CSMD3: variants seen among roughly 807,000 people sequenced by gnomAD.
CSMD3 encodes the protein CUB and sushi domain-containing protein 3.
In CSMD3, 177 loss-of-function variants were observed where a neutral mutation model predicts 435.2. The observed-to-expected ratio is 0.41, with a 90% CI of 0.36 to 0.46. The LOEUF (loss-of-function observed/expected upper bound fraction) is 0.46. Ranked by LOEUF, CSMD3 falls within the 20% of genes least tolerant of loss-of-function variation. The pLI is 0.34. For missense variants in CSMD3, 4,265 were observed against 4,504.6 expected (o/e 0.95, Z 1.52); for synonymous variants, 1,656 against 1,520.5 (o/e 1.09, Z -2.07).
chr8:112,441,117 C>A (rs1382462454), intron 32 of CSMD3, among the ~76,000 whole-genome samples: 2 of 152,250 alleles, frequency 1.3e-5, no homozygotes, highest in South Asian at 4.1e-4. Flanking sequence ...GAATGCTTTG[C>A]TGCTTTGCAA....
At chr8:112,397,455 G>T (rs116884281) in intron 35 of CSMD3, among the ~76,000 whole-genome samples, 2,038 of 152,256 alleles carry the variant, frequency 0.013, 28 homozygotes, top group South Asian at 0.033. Context: ...CTCTGGATAT[G>T]CACTTTTAAA....
intron 22 of CSMD3, among the ~76,000 whole-genome samples, chr8:112,625,730 T>C (rs1169470996): frequency 1.3e-5 from 2 of 152,072 alleles, no homozygotes; most frequent in African/African-American, 2.4e-5. Context: ...GAAAAATGGT[T>C]TATAGCCAGA....
intron 32 of CSMD3, among the ~76,000 whole-genome samples, chr8:112,469,998 G>A (rs899655826): frequency 2.0e-5 from 3 of 151,986 alleles, no homozygotes; most frequent in African/African-American, 4.8e-5. Context: ...ATGAGAGGAA[G>A]CAGAAGCAAA....
chr8:112,817,662 C>G (rs897136601), intron 12 of CSMD3, among the ~76,000 whole-genome samples: 1 of 151,408 alleles, frequency 6.6e-6, no homozygotes, highest in African/African-American at 2.4e-5. Context: ...CACAGAGATA[C>G]AGAAAGAGAT....
chr8:113,100,999 C>A (rs1209042382), intron 4 of CSMD3, among the ~76,000 whole-genome samples: 1 of 152,108 alleles, frequency 6.6e-6, no homozygotes, highest in Admixed American at 6.6e-5. Flanking sequence ...TCACTGAGAT[C>A]TCTATGAGCC....
chr8:112,441,320 C>A (rs751544470), intron 32 of CSMD3, among the ~76,000 whole-genome samples: 4 of 152,138 alleles, frequency 2.6e-5, no homozygotes, highest in Non-Finnish European at 4.4e-5. Context: ...TCACTGTCAG[C>A]GTTTTGGTCA....
intron 4 of CSMD3, among the ~76,000 whole-genome samples, chr8:113,148,781 A>C (rs1481716713): frequency 6.6e-6 from 1 of 151,734 alleles, no homozygotes; most frequent in Non-Finnish European, 1.5e-5. Context: ...TGTTACAGTA[A>C]TAGATTTTAC....
intron 6 of CSMD3, among the ~76,000 whole-genome samples, chr8:112,978,100 A>C (rs1380903519): frequency 6.6e-6 from 1 of 152,026 alleles, no homozygotes; most frequent in Non-Finnish European, 1.5e-5. Flanking sequence ...AATCAGAGTA[A>C]AAACTAATGC....
chr8:113,419,505 T>TA (rs2094599337), intron 1 of CSMD3, among the ~76,000 whole-genome samples: 1 of 152,136 alleles, frequency 6.6e-6, no homozygotes, highest in Admixed American at 6.6e-5. Context: ...CTAGTCTGCA[T>TA]AAAAAGCTCT....
rs145568117 is a variant in CSMD3 at position 112,359,765 on chromosome 8, T to G, written c.6137-7231A>C. Among the ~76,000 whole-genome samples the G allele has an allele frequency of 5.6e-3, 857 of 152,246 alleles. 3 individuals carry two copies. Among genetic ancestry groups the G allele is most frequent in the Non-Finnish European group, 8.9e-3 (604 of 67,980 alleles). On this transcript the variant is annotated intron_variant, in intron 38 of 70. Transcript: ENST00000297405. The stretch of plus-strand genomic sequence containing the variant: ...AGTCTTGAATTAGATAAGGAGAGTC[T>G]GTACATTGCAATCCCAATGCCCAGT...
chr8:112,938,043 G>C (rs2130749097), intron 9 of CSMD3, among the ~76,000 whole-genome samples: 1 of 152,256 alleles, frequency 6.6e-6, no homozygotes, highest in Non-Finnish European at 1.5e-5. Context: ...AGAAGCCAGG[G>C]GGGAAAAGCA....
chr8:112,844,546 T>C (rs1169828396), intron 11 of CSMD3, among the ~76,000 whole-genome samples: 1 of 152,008 alleles, frequency 6.6e-6, no homozygotes, highest in Admixed American at 6.6e-5. Context: ...ATTTGTCCTT[T>C]GTTTTCCTTA....
intron 35 of CSMD3, among the ~76,000 whole-genome samples, chr8:112,405,246 T>TATACACACAC (rs1199452249): frequency 1.3e-4 from 11 of 81,534 alleles, no homozygotes; most frequent in African/African-American, 5.3e-4. Context: ...TATATATATA[T>TATACACACAC]ACATATATAT....
chr8:112,761,862 A>G (rs1226719349), intron 13 of CSMD3, among the ~76,000 whole-genome samples: 2 of 152,030 alleles, frequency 1.3e-5, no homozygotes, highest in African/African-American at 4.8e-5. Flanking sequence ...AATCAATGCA[A>G]TTGGCCTTGT....
intron 4 of CSMD3, among the ~76,000 whole-genome samples, chr8:113,136,982 T>C (rs544003975): frequency 6.6e-6 from 1 of 151,752 alleles, no homozygotes; most frequent in African/African-American, 2.4e-5. Flanking sequence ...TAAATTTGTG[T>C]ATAGATATTG....
intron 32 of CSMD3, among the ~76,000 whole-genome samples, chr8:112,442,939 T>C (rs1406115069): frequency 6.6e-6 from 1 of 152,210 alleles, no homozygotes; most frequent in African/African-American, 2.4e-5. Context: ...ATGGAACTGT[T>C]ATACAAGAGA....
intron 3 of CSMD3, among the ~76,000 whole-genome samples, chr8:113,242,313 TC>T (rs1200077027): frequency 1.3e-5 from 2 of 151,990 alleles, no homozygotes; most frequent in East Asian, 3.9e-4. Context: ...TTTTGGTTAT[TC>T]TAAATGCTGT....
chr8:112,499,970 A>T (rs891660429), intron 30 of CSMD3, among the ~76,000 whole-genome samples: 1 of 152,050 alleles, frequency 6.6e-6, no homozygotes, highest in Non-Finnish European at 1.5e-5. Flanking sequence ...TTAGCCAGGC[A>T]TGGTGGCTCA....
At chr8:112,305,862 A>T (rs1821369935) in intron 51 of CSMD3, 145 bp downstream of exon 51, 1 of 738,848 alleles carries the variant, frequency 1.4e-6, no homozygotes, top group South Asian at 1.5e-5. Flanking sequence ...TCATTGTACA[A>T]GATAGCTTAC....
Sources: allele counts gnomAD v4.1 joint callset (sites outside exome capture counted in the v4.1 genomes callset), GRCh38; gene constraint gnomAD v4.1.1; transcripts MANE v1.5; gene names NCBI Gene and HGNC (gene_info 2026-07-23, HGNC 2026-07-21).